Variants in TRHDE observed in about 807,000 individuals in gnomAD.
TRHDE encodes thyrotropin-releasing hormone-degrading ectoenzyme.
TRHDE carries 72 observed loss-of-function variants against 125.7 expected under a neutral mutation model. That is an observed-to-expected ratio of 0.57 (90% CI 0.47 to 0.70). The LOEUF is 0.70. Ranked by LOEUF, TRHDE falls within the 30% of genes least tolerant of loss-of-function variation. The pLI is 0.00. For missense variants in TRHDE, 1,110 were observed against 1,327.1 expected (o/e 0.84, Z 2.54); for synonymous variants, 509 against 509.1 (o/e 1.00, Z 0.00).
At chr12:72,555,137 A>G (rs1869856821) in intron 7 of TRHDE, among the ~76,000 whole-genome samples, 1 of 152,168 alleles carries the variant, frequency 6.6e-6, no homozygotes, top group African/African-American at 2.4e-5. Context: ...ATTTACATTG[A>G]TTGGGTGGAG....
At chr12:72,373,065 T>C (rs1448274034) in intron 2 of TRHDE, among the ~76,000 whole-genome samples, 2 of 152,228 alleles carry the variant, frequency 1.3e-5, no homozygotes, top group Non-Finnish European at 2.9e-5. Context: ...TTTTATTTCA[T>C]TGAGCAGTGG....
At chr12:72,490,183 A>G (rs1050937299) in intron 5 of TRHDE, among the ~76,000 whole-genome samples, 9 of 152,006 alleles carry the variant, frequency 5.9e-5, no homozygotes, top group African/African-American at 1.9e-4. Context: ...ACCAGAATAG[A>G]CATGTCTCCA....
At chr12:72,631,503 A>C (rs74105942) in intron 15 of TRHDE, among the ~76,000 whole-genome samples, 2,104 of 152,008 alleles carry the variant, frequency 0.014, 51 homozygotes, top group African/African-American at 0.048. Context: ...ATATATATGA[A>C]ATTCATAATG....
At chr12:72,220,388 A>C (rs1877978821) in intron 2 of TRHDE, among the ~76,000 whole-genome samples, 1 of 152,154 alleles carries the variant, frequency 6.6e-6, no homozygotes. Context: ...CAAGTGAAGC[A>C]CTTGAGACAG....
chr12:72,381,510 C>T (rs1395686104), intron 3 of TRHDE, among the ~76,000 whole-genome samples: 1 of 151,026 alleles, frequency 6.6e-6, no homozygotes, highest in African/African-American at 2.4e-5. Context: ...ATTCTCCTGC[C>T]TCAGCCTCCC....
chr12:72,296,691 A>G (rs1462339854), intron 2 of TRHDE, among the ~76,000 whole-genome samples: 3 of 152,154 alleles, frequency 2.0e-5, no homozygotes, highest in African/African-American at 7.2e-5. Flanking sequence ...CTGCAGTGGT[A>G]TCAGAAGGCT....
chr12:72,359,522 T>C (rs769373514), intron 2 of TRHDE, among the ~76,000 whole-genome samples: 1 of 151,646 alleles, frequency 6.6e-6, no homozygotes, highest in Admixed American at 6.6e-5. Context: ...AACAATAGAT[T>C]AGAAATAGGA....
At position 72,123,735 on chromosome 12, in the gene TRHDE, A is replaced by G. The variant is rs550071525; in HGVS notation, n.279+17983A>G. On this transcript the variant is annotated intron_variant and non_coding_transcript_variant, in intron 2 of 4. Transcript: ENST00000548156. ...TCTGAAATGGATAATTTGATGAGTT[A>G]TGACAGAAATATATATATATCCATG... Among the ~76,000 whole-genome samples, 15 of 152,258 alleles carry G rather than the reference A, an allele frequency of 9.9e-5. No homozygotes were observed. The East Asian group carries it at 2.9e-3, about 29-fold the overall frequency.
At chr12:72,656,215 G>T (rs920632339) in intron 17 of TRHDE, among the ~76,000 whole-genome samples, 1 of 152,100 alleles carries the variant, frequency 6.6e-6, no homozygotes, top group African/African-American at 2.4e-5. Flanking sequence ...CAAAAGTCAA[G>T]TAATTGTGTC....
chr12:72,338,407 A>G (rs567345187), intron 2 of TRHDE, among the ~76,000 whole-genome samples: 6 of 152,304 alleles, frequency 3.9e-5, no homozygotes, highest in African/African-American at 1.2e-4. Context: ...AAGATGAAGA[A>G]ATAGCTAAAT....
At chr12:72,648,886 A>C (rs1297746281) in intron 15 of TRHDE, among the ~76,000 whole-genome samples, 2 of 152,128 alleles carry the variant, frequency 1.3e-5, no homozygotes, top group African/African-American at 4.8e-5. Flanking sequence ...TAAAACATTG[A>C]TGAAAGAAAA....
chr12:72,134,202 G>C (rs768031449), intron 2 of TRHDE, among the ~76,000 whole-genome samples: 1 of 152,010 alleles, frequency 6.6e-6, no homozygotes, highest in African/African-American at 2.4e-5. Context: ...CATTGTCCTT[G>C]GTCTGTTTTT....
chr12:72,343,271 G>A (rs1181632725), intron 2 of TRHDE, among the ~76,000 whole-genome samples: 1 of 151,790 alleles, frequency 6.6e-6, no homozygotes, highest in African/African-American at 2.4e-5. Context: ...CCGCCCCTGT[G>A]CATACTCAAC....
chr12:72,619,875 A>G (rs541290704), intron 13 of TRHDE, among the ~76,000 whole-genome samples: 1 of 152,258 alleles, frequency 6.6e-6, no homozygotes, highest in Non-Finnish European at 1.5e-5. Flanking sequence ...GATTCCTGTG[A>G]CATGAATCTT....
chr12:72,111,284 T>G (rs542271429), intron 2 of TRHDE, among the ~76,000 whole-genome samples: 85 of 152,246 alleles, frequency 5.6e-4, no homozygotes, highest in Non-Finnish European at 1.0e-3. Context: ...ATACATGAGT[T>G]TGTGTGTATT....
chr12:72,236,972 A>G (rs949525548), intron 2 of TRHDE, among the ~76,000 whole-genome samples: 1 of 152,222 alleles, frequency 6.6e-6, no homozygotes, highest in South Asian at 2.1e-4. Flanking sequence ...AATTTGGTTT[A>G]GATGGCCCTG....
intron 1 of TRHDE, among the ~76,000 whole-genome samples, chr12:72,091,201 G>A (rs778876145): frequency 7.2e-5 from 11 of 151,998 alleles, no homozygotes; most frequent in Non-Finnish European, 1.6e-4. Context: ...AACCACCTCC[G>A]AGTCTAGGCA....
chr12:72,630,826 A>G (rs1415457612), intron 15 of TRHDE, among the ~76,000 whole-genome samples: 10 of 150,378 alleles, frequency 6.6e-5, no homozygotes, highest in African/African-American at 2.4e-4. Flanking sequence ...GGAAAAAATC[A>G]TGGGAGTGAT....
At chr12:72,644,548 C>T (rs1276740227) in intron 15 of TRHDE, among the ~76,000 whole-genome samples, 4 of 152,180 alleles carry the variant, frequency 2.6e-5, no homozygotes, top group South Asian at 2.1e-4. Context: ...AGTGCTTCAA[C>T]GTTTCTGGTG....
Sources: gnomAD v4.1 joint callset for allele counts (sites outside exome capture counted in the v4.1 genomes callset) on GRCh38, gnomAD v4.1.1 for gene constraint, MANE v1.5 for transcripts, NCBI Gene and HGNC (gene_info 2026-07-23, HGNC 2026-07-21) for gene names.